Variants in DEPDC4 observed in about 807,000 individuals in gnomAD.
DEPDC4 encodes DEP domain-containing protein 4.
Under a neutral mutation model 52.0 loss-of-function variants are expected in DEPDC4, and 52 were observed. That is an observed-to-expected ratio of 1.00 (90% CI 0.80 to 1.26). The LOEUF (loss-of-function observed/expected upper bound fraction) is 1.26, where lower values mean the gene tolerates loss of function less well. DEPDC4 is among the 50% of genes most tolerant of loss of function. The pLI is 0.00. For synonymous variants in DEPDC4, 201 were observed against 196.8 expected, an observed-to-expected ratio of 1.02 and a Z score of -0.18; for missense variants, 530 against 546.9, an observed-to-expected ratio of 0.97 and a Z score of 0.31.
In DEPDC4 at chr12:100,252,189, G is replaced by A. The variant is rs887961001; in HGVS notation, c.1361C>T (p.Ser454Phe). The change falls in exon 7 of 10, where the codon TCT becomes TTT. Residue 454 changes from serine to phenylalanine, a missense_variant. Physicochemically the swap from Ser to Phe is radical, Grantham distance 155. Coordinates refer to ENST00000550587, the MANE Select transcript of DEPDC4 (RefSeq NM_001364818.2). The stretch of plus-strand genomic sequence containing the variant: ...TGCCAGAGATACCTTGAAGAGCTCA[G>A]AGTGGTACTCCAGTGGAAACCAGAC... The part of the protein sequence containing the change: ...QLVWFPLEYH[S>F]ELFKTPVTLL... 2 of 1,253,254 alleles carry A rather than the reference G, an allele frequency of 1.6e-6. No homozygotes were observed. The highest frequency in any genetic ancestry group is 2.0e-6 in the Non-Finnish European group (2 of 988,186). The allele number at this position is 1,253,254 out of a possible 1,614,324, so 77.6% of individuals were successfully genotyped here.
Position 100,256,046 on chromosome 12 carries a change from T to C in DEPDC4, c.878+3A>G. 6.3e-7 allele frequency: 1 copy of C among 1,578,214 alleles called. No individual in the cohort carries two copies. The highest frequency in any genetic ancestry group is 8.6e-7 in the Non-Finnish European group (1 of 1,161,158). ...TTATTTGACAATAAAAATGGTCACT[T>C]ACTCAGGTAGACATAAGCTTGGAAT... On this transcript the variant is annotated splice_donor_region_variant and intron_variant, in intron 4 of 9. Coordinates refer to ENST00000550587, the MANE Select transcript of DEPDC4 (RefSeq NM_001364818.2).
At chr12:100,248,720 G>A (rs921778122) in intron 8 of DEPDC4, among the ~76,000 whole-genome samples, 180 bp downstream of exon 8, 1 of 152,004 alleles carries the variant, frequency 6.6e-6, no homozygotes, top group East Asian at 1.9e-4. Context: ...GGTAAATAAA[G>A]GGTTTCAAAA....
At chr12:100,269,705 A>G (rs774371310), upstream of DEPDC4, among the ~76,000 whole-genome samples, 4 of 152,130 alleles carry the variant, frequency 2.6e-5, no homozygotes, top group Non-Finnish European at 5.9e-5. Flanking sequence ...TTGGCATTTG[A>G]ACTCAGATTT....
At chr12:100,267,200 C>G (rs1345001141), upstream of DEPDC4, 1 of 1,066,880 alleles carries the variant, frequency 9.4e-7, no homozygotes, top group Non-Finnish European at 1.3e-6. Flanking sequence ...CTCCCTTACT[C>G]TTCGTCCCCG....
chr12:100,241,970 T>C, intron 9 of DEPDC4, 125 bp from the exon 10 acceptor site: 1 of 446,184 alleles, frequency 2.2e-6, no homozygotes. Context: ...TAGGCTTTCT[T>C]TGTTCCACAG....
At chr12:100,265,353 T>A (rs941296373) in intron 1 of DEPDC4, among the ~76,000 whole-genome samples, 6 of 152,104 alleles carry the variant, frequency 3.9e-5, no homozygotes, top group African/African-American at 1.4e-4. Flanking sequence ...CCCAGCACTT[T>A]GGGAGGCTGA....
the DEPDC4 span, among the ~76,000 whole-genome samples, chr12:100,278,452 T>A: frequency 6.6e-6 from 1 of 152,110 alleles, no homozygotes; most frequent in Non-Finnish European, 1.5e-5. Flanking sequence ...CTCCCATCTC[T>A]AATAGTTTTT....
At chr12:100,256,726 C>A (rs1351554144) in intron 3 of DEPDC4, among the ~76,000 whole-genome samples, 1 of 151,316 alleles carries the variant, frequency 6.6e-6, no homozygotes, top group Non-Finnish European at 1.5e-5. Flanking sequence ...ACTGCAAGCT[C>A]CGCCTCCCAG....
At chr12:100,233,605 A>G (rs1350685748) in intron 9 of DEPDC4, among the ~76,000 whole-genome samples, 1 of 152,230 alleles carries the variant, frequency 6.6e-6, no homozygotes, top group East Asian at 1.9e-4. Context: ...ATAGCTGAAA[A>G]GCTGAATGAT....
chr12:100,232,083 G>T (rs1276528216), intron 9 of DEPDC4, among the ~76,000 whole-genome samples: 1 of 152,184 alleles, frequency 6.6e-6, no homozygotes, highest in Non-Finnish European at 1.5e-5. Context: ...ACTTGAGTCA[G>T]TGAACAGTTG....
chr12:100,251,233 C>A (rs1166485359), intron 7 of DEPDC4, among the ~76,000 whole-genome samples: 1 of 151,936 alleles, frequency 6.6e-6, no homozygotes, highest in Non-Finnish European at 1.5e-5. Flanking sequence ...CTGTGCCCAG[C>A]TAGACACATT....
intron 8 of DEPDC4, among the ~76,000 whole-genome samples, chr12:100,244,095 GTATATATATA>G (rs774444544): frequency 0.076 from 3,948 of 51,642 alleles, 316 homozygotes; most frequent in African/African-American, 0.23. Context: ...CTCTCTCTGT[GTATATATATA>G]TATATATATA....
upstream of DEPDC4, chr12:100,267,165 G>T: frequency 1.4e-6 from 2 of 1,437,134 alleles, no homozygotes; most frequent in Non-Finnish European, 1.9e-6. Context: ...GCCCCCGGCC[G>T]GCAGGTCTTT....
chr12:100,256,363 G>T, intron 3 of DEPDC4, 137 bp from the exon 4 acceptor site: 1 of 536,970 alleles, frequency 1.9e-6, no homozygotes, highest in Non-Finnish European at 3.2e-6. Context: ...TTAATTTAAT[G>T]CTTAGATAAT....
chr12:100,243,343 C>T lies in DEPDC4; in HGVS notation c.1454-774G>A, dbSNP rs2096168227. On this transcript the variant is annotated intron_variant, in intron 8 of 9. Coordinates refer to ENST00000550587, the MANE Select transcript of DEPDC4 (RefSeq NM_001364818.2). Reference sequence around the variant, plus strand: ...TTATGCATCAATCCCTGTACTTAAACTTTCTCAACTCCCCTAACCATCTAT... The same window carrying T: ...TTATGCATCAATCCCTGTACTTAAATTTTCTCAACTCCCCTAACCATCTAT... Among the ~76,000 whole-genome samples, 3 of 152,122 alleles carry T rather than the reference C, an allele frequency of 2.0e-5. No individual in the cohort carries two copies. The East Asian group carries it at 5.8e-4, about 29-fold the overall frequency.
intron 5 of DEPDC4, 123 bp downstream of exon 5, chr12:100,253,366 A>C: frequency 2.7e-6 from 1 of 369,224 alleles, no homozygotes; most frequent in Non-Finnish European, 5.0e-6. Flanking sequence ...AAGTACCTTG[A>C]CATCATAGAA....
At chr12:100,253,966 AT>A (rs1267056921) in intron 4 of DEPDC4, among the ~76,000 whole-genome samples, 6 of 152,306 alleles carry the variant, frequency 3.9e-5, no homozygotes, top group Non-Finnish European at 7.3e-5. Flanking sequence ...AGTTAAAATA[AT>A]TTTTAATGAA....
rs181879923 is a variant in DEPDC4 at position 100,259,195 on chromosome 12, A to C, written c.701-2969T>G. Reference sequence around the variant, plus strand: ...GAAGGCAGGACATAGGAGATCTACAATATAACAGGCAAAGGTAATCCCCAT... The same window carrying C: ...GAAGGCAGGACATAGGAGATCTACACTATAACAGGCAAAGGTAATCCCCAT... On this transcript the variant is annotated intron_variant, in intron 3 of 9. Transcript: ENST00000550587. 3.7e-3 allele frequency among the ~76,000 whole-genome samples: 563 copies of C among 150,990 alleles called. 2 individuals carry two copies. Among genetic ancestry groups the C allele is most frequent in the Non-Finnish European group, 6.8e-3 (457 of 67,668 alleles).
the DEPDC4 span, among the ~76,000 whole-genome samples, chr12:100,274,209 C>G: frequency 2.2e-3 from 331 of 152,326 alleles, 5 homozygotes; most frequent in East Asian, 0.037. Flanking sequence ...AGGATACAAA[C>G]TACCTGAGAT....
Sources: allele counts gnomAD v4.1 joint callset (sites outside exome capture counted in the v4.1 genomes callset), GRCh38; gene constraint gnomAD v4.1.1; transcripts MANE v1.5; gene names NCBI Gene and HGNC (gene_info 2026-07-23, HGNC 2026-07-21).